Variants in PIK3C2A observed in about 807,000 individuals in gnomAD.
PIK3C2A encodes phosphatidylinositol 4-phosphate 3-kinase C2 domain-containing subunit alpha.
PIK3C2A carries 97 observed loss-of-function variants against 204.5 expected under a neutral mutation model. The observed-to-expected ratio is 0.47, with a 90% CI of 0.40 to 0.56. The LOEUF (loss-of-function observed/expected upper bound fraction) is 0.56, where lower values mean the gene tolerates loss of function less well. Among genes scored for constraint, PIK3C2A ranks in the 20% least tolerant of loss-of-function variants. The pLI is 0.00. For missense variants in PIK3C2A, 1,735 were observed against 1,969.2 expected (o/e 0.88, Z 2.25); for synonymous variants, 653 against 664.4 (o/e 0.98, Z 0.26).
At chr11:17,181,584 T>C (rs1851553825) in intron 1 of PIK3C2A, among the ~76,000 whole-genome samples, 1 of 139,652 alleles carries the variant, frequency 7.2e-6, no homozygotes. Flanking sequence ...CTGGGCAACA[T>C]GGTGAGATCC....
chr11:17,164,777 A>G (rs1248891737), intron 2 of PIK3C2A, among the ~76,000 whole-genome samples: 1 of 152,178 alleles, frequency 6.6e-6, no homozygotes, highest in Non-Finnish European at 1.5e-5. Context: ...GAGTTTGAGC[A>G]ACTAGCAGCT....
chr11:17,139,404 T>C (rs1221548834), intron 8 of PIK3C2A, among the ~76,000 whole-genome samples: 2 of 151,594 alleles, frequency 1.3e-5, no homozygotes, highest in Admixed American at 6.6e-5. Flanking sequence ...ATTTTTGTAA[T>C]TTTAGTAGAG....
In PIK3C2A at chr11:17,092,154, G is replaced by T. The variant is rs1422253317; in HGVS notation, c.4569+5C>A. On this transcript the variant is annotated splice_donor_5th_base_variant and intron_variant, in intron 29 of 32. Coordinates refer to ENST00000691414, the MANE Select transcript of PIK3C2A (RefSeq NM_002645.4). Reference sequence around the variant, plus strand: ...ATGTTATTACTTCTCATTTAGTAAGGTTACCTCTGCTACATCCGTTGAAGC... The same window carrying T: ...ATGTTATTACTTCTCATTTAGTAAGTTTACCTCTGCTACATCCGTTGAAGC... 1 of 1,537,796 alleles carries T rather than the reference G, an allele frequency of 6.5e-7. No individual in the cohort carries two copies. The highest frequency in any genetic ancestry group is 1.1e-5 in the South Asian group (1 of 89,456).
In PIK3C2A at chr11:17,087,855, C is replaced by T. The variant is rs896241983; in HGVS notation, c.*1883G>A. ...AACACATTTTAACATTTAAAAAAGA[C>T]ATTCATATACCATACTCATGGGTTT... On this transcript the variant is annotated 3_prime_UTR_variant, in exon 33 of 33. Coordinates refer to ENST00000691414, the MANE Select transcript of PIK3C2A (RefSeq NM_002645.4). The T allele has an allele frequency of 1.3e-5, 2 of 152,158 alleles. No individual in the cohort carries two copies. The highest frequency in any genetic ancestry group is 2.9e-5 in the Non-Finnish European group (2 of 68,038). 9.4% of individuals were successfully genotyped at this position (152,158 alleles called of 1,614,324 possible). A position where few individuals can be genotyped will look rare whatever the true frequency, so the allele number is the denominator to read the frequency against.
intron 1 of PIK3C2A, among the ~76,000 whole-genome samples, chr11:17,177,943 A>T (rs1851389813): frequency 6.6e-6 from 1 of 151,952 alleles, no homozygotes; most frequent in African/African-American, 2.4e-5. Flanking sequence ...AAATACAAAA[A>T]TTAGCTAGGC....
chr11:17,126,384 T>A (rs1464203786), intron 13 of PIK3C2A, among the ~76,000 whole-genome samples: 1 of 151,982 alleles, frequency 6.6e-6, no homozygotes, highest in Non-Finnish European at 1.5e-5. Context: ...TGAGACTCCA[T>A]CTCTACAAAA....
chr11:17,182,905 TCA>T (rs1851612594), intron 1 of PIK3C2A, among the ~76,000 whole-genome samples: 2 of 152,162 alleles, frequency 1.3e-5, no homozygotes, highest in African/African-American at 4.8e-5. Context: ...AGCAGCATGA[TCA>T]CAGTTCACTG....
chr11:17,099,990 T>C (rs1394680085), intron 25 of PIK3C2A, 21 bp from the exon 26 acceptor site: 3 of 1,166,018 alleles, frequency 2.6e-6, no homozygotes, highest in Non-Finnish European at 3.8e-6. Context: ...AAACAAAAAG[T>C]TCTGTGAGTT....
chr11:17,102,756 T>C lies in PIK3C2A; in HGVS notation c.3757A>G (p.Asn1253Asp). 6.2e-7 allele frequency: 1 copy of C among 1,613,616 alleles called. No individual in the cohort carries two copies. Among genetic ancestry groups the C allele is most frequent in the Non-Finnish European group, 8.5e-7 (1 of 1,179,588 alleles). The change falls in exon 24 of 33, where the codon AAT becomes GAT. Residue 1253 changes from asparagine to aspartate, a missense_variant. Physicochemically the swap from Asn to Asp is conservative, Grantham distance 23. Around this residue, in one of 6 missense-constraint regions of PIK3C2A, gnomAD observed 503 missense variants for 669.0 expected, o/e 0.75. Transcript: ENST00000691414. Reference sequence around the variant, plus strand: ...GTGCTTCGAAGCATTATATTGTCATTGTGTCGATCACAGATGCCTAAAACA... The same window carrying C: ...GTGCTTCGAAGCATTATATTGTCATCGTGTCGATCACAGATGCCTAAAACA... ...TYVLGICDRHNDNIMLRSTGH... is the reference protein window; with the variant it reads ...TYVLGICDRHDDNIMLRSTGH...
At chr11:17,123,456 G>A (rs932304760) in intron 13 of PIK3C2A, among the ~76,000 whole-genome samples, 10 of 137,814 alleles carry the variant, frequency 7.3e-5, no homozygotes, top group African/African-American at 1.6e-4. Flanking sequence ...AAGGGGTTTC[G>A]CCATGTTGCC....
At chr11:17,193,431 T>C (rs904611469) in intron 1 of PIK3C2A, 2 of 316,760 alleles carry the variant, frequency 6.3e-6, no homozygotes, top group South Asian at 5.2e-5. Context: ...AACTTAAAAA[T>C]TGCTGAATAT....
intron 6 of PIK3C2A, among the ~76,000 whole-genome samples, chr11:17,146,587 G>A (rs1850251892): frequency 6.6e-6 from 1 of 151,910 alleles, no homozygotes; most frequent in Non-Finnish European, 1.5e-5. Flanking sequence ...TGGGTGGGTT[G>A]GTGCATGCCC....
chr11:17,119,123 A>C, intron 17 of PIK3C2A, 97 bp downstream of exon 17: 1 of 738,796 alleles, frequency 1.4e-6, no homozygotes, highest in South Asian at 1.8e-5. Context: ...ACACTAAAAA[A>C]CGACTTTTAA....
chr11:17,163,619 C>G (rs1850852745), intron 2 of PIK3C2A, among the ~76,000 whole-genome samples: 1 of 151,804 alleles, frequency 6.6e-6, no homozygotes, highest in African/African-American at 2.4e-5. Flanking sequence ...TCCCTACATT[C>G]CCCAGATTGG....
intron 23 of PIK3C2A, among the ~76,000 whole-genome samples, chr11:17,104,661 C>T (rs2137295575): frequency 7.0e-6 from 1 of 142,218 alleles, no homozygotes; most frequent in South Asian, 2.2e-4. Flanking sequence ...GGAGGCGGAG[C>T]TTGCAGTGAG....
At chr11:17,140,375 A>G (rs1425878993) in intron 8 of PIK3C2A, among the ~76,000 whole-genome samples, 1 of 152,232 alleles carries the variant, frequency 6.6e-6, no homozygotes, top group African/African-American at 2.4e-5. Context: ...TTATAACAGC[A>G]TTATTCATGA....
intron 22 of PIK3C2A, among the ~76,000 whole-genome samples, chr11:17,108,856 A>G (rs1216159906): frequency 6.6e-6 from 1 of 152,222 alleles, no homozygotes; most frequent in East Asian, 1.9e-4. Context: ...TTAAAGTAAT[A>G]TTTCATAAAT....
intron 1 of PIK3C2A, among the ~76,000 whole-genome samples, chr11:17,183,058 G>A (rs1851619081): frequency 6.6e-6 from 1 of 152,066 alleles, no homozygotes; most frequent in Admixed American, 6.6e-5. Context: ...TGCCCAGGCT[G>A]GTCTCAAACT....
intron 22 of PIK3C2A, among the ~76,000 whole-genome samples, chr11:17,106,077 C>T (rs1238109346): frequency 2.0e-5 from 3 of 151,070 alleles, no homozygotes; most frequent in African/African-American, 7.3e-5. Context: ...CTACTGCACT[C>T]CAGCCTGGGC....
Sources: allele counts gnomAD v4.1 joint callset (sites outside exome capture counted in the v4.1 genomes callset), GRCh38; gene constraint gnomAD v4.1.1; regional missense constraint gnomAD v4.1.1; transcripts MANE v1.5; gene names NCBI Gene and HGNC (gene_info 2026-07-23, HGNC 2026-07-21).